LAD1: variants seen among roughly 807,000 people sequenced by gnomAD.
The protein encoded by LAD1 is ladinin-1.
Under a neutral mutation model 54.2 loss-of-function variants are expected in LAD1, and 53 were observed. That is an observed-to-expected ratio of 0.98 (90% CI 0.78 to 1.23). The LOEUF (loss-of-function observed/expected upper bound fraction) is 1.23, where lower values mean the gene tolerates loss of function less well. Ranked by LOEUF, LAD1 falls within the 50% of genes most tolerant of loss-of-function variation. The pLI is 0.00. For synonymous variants in LAD1, 231 were observed against 257.7 expected (o/e 0.90, Z 0.99); for missense variants, 637 against 653.3 (o/e 0.98, Z 0.27).
chr1:201,382,784 C>T, intron 7 of LAD1, 45 bp from the exon 8 acceptor site: 1 of 1,445,850 alleles, frequency 6.9e-7, no homozygotes, highest in Non-Finnish European at 9.5e-7. Flanking sequence ...CCCTTGGCAG[C>T]AGCGAGGCAT....
chr1:201,384,532 C>T (rs1300578386), intron 5 of LAD1, among the ~76,000 whole-genome samples: 4 of 152,096 alleles, frequency 2.6e-5, no homozygotes, highest in Non-Finnish European at 5.9e-5. Flanking sequence ...AAACCCTCAT[C>T]CCCCTTTGGG....
Position 201,386,857 on chromosome 1 carries a change from C to G in LAD1, c.504G>C (p.Glu168Asp). ...EESLVGREPE[E>D]RKKGVPEKSP... The stretch of plus-strand genomic sequence containing the variant: ...ACTTTTCTGGAACCCCTTTCTTCCT[C>G]TCTTCTGGCTCCCTGCCCACCAAGC... The change falls in exon 3 of 10, where the codon GAG becomes GAC. Residue 168 changes from glutamate to aspartate, a missense_variant. Glu to Asp is a conservative substitution (Grantham distance 45). Transcript: ENST00000391967. 2 of 1,611,946 alleles carry G rather than the reference C, an allele frequency of 1.2e-6. No individual in the cohort carries two copies. Among genetic ancestry groups the G allele is most frequent in the Non-Finnish European group, 1.7e-6 (2 of 1,179,656 alleles).
In LAD1 at chr1:201,385,720, G is replaced by A; in HGVS notation, c.1112C>T (p.Pro371Leu). 1 of 1,614,024 alleles carries A rather than the reference G, an allele frequency of 6.2e-7. No individual in the cohort carries two copies. The highest frequency in any genetic ancestry group is 8.5e-7 in the Non-Finnish European group (1 of 1,179,858). ...TCTCACCCGAAAGGAGATGGTCCTG[G>A]GGCTGGAGCGTTTGAGGGAGCTGCT... ...TYSSSLKRSS[P>L]RTISFRMKPK... Residue 371 changes from proline (P) to leucine (L), a missense_variant, in exon 4 of 10, where the codon CCC (proline) becomes CTC (leucine). By Grantham distance (98) the Pro-to-Leu change is moderately conservative. Coordinates refer to ENST00000391967, the MANE Select transcript of LAD1 (RefSeq NM_005558.4).
At chr1:201,385,549 C>CT (rs561052051) in intron 4 of LAD1, 152 bp downstream of exon 4, 6 of 703,800 alleles carry the variant, frequency 8.5e-6, no homozygotes, top group African/African-American at 1.8e-5. Context: ...TGAATACAAC[C>CT]TTGTTTGTTC....
At chr1:201,381,989 C>T in intron 9 of LAD1, 96 bp from the exon 10 acceptor site, 1 of 1,324,274 alleles carries the variant, frequency 7.6e-7, no homozygotes, top group African/African-American at 1.5e-5. Context: ...TTGCCCAAGC[C>T]CCACACCCAC....
At chr1:201,385,205 G>T (rs986556289) in intron 4 of LAD1, among the ~76,000 whole-genome samples, 5 of 152,226 alleles carry the variant, frequency 3.3e-5, no homozygotes, top group Non-Finnish European at 7.3e-5. Context: ...GATACCCAAT[G>T]ATTGAGTGAA....
chr1:201,384,531 T>TC (rs1216862387), intron 5 of LAD1, among the ~76,000 whole-genome samples: 1 of 151,672 alleles, frequency 6.6e-6, no homozygotes, highest in Non-Finnish European at 1.5e-5. Context: ...TAAACCCTCA[T>TC]CCCCCTTTGG....
rs1055840981 is a variant in LAD1, at chr1:201,381,410, CAG to C, written c.*476_*477del. 1.1e-5 allele frequency: 2 copies of C among 188,022 alleles called. No individual in the cohort carries two copies. The highest frequency in any genetic ancestry group is 2.2e-5 in the Non-Finnish European group (2 of 89,650). 11.6% of individuals were successfully genotyped at this position (188,022 alleles called of 1,614,324 possible). On this transcript the variant is annotated 3_prime_UTR_variant, in exon 10 of 10. Coordinates refer to ENST00000391967, the MANE Select transcript of LAD1 (RefSeq NM_005558.4). Reference sequence around the variant, plus strand: ...CTTCTCCCCTGGCCAGAGCGGGCCTCAGTGGCTGGGAGCAGGCCCCAGGGACA... The same window carrying C: ...CTTCTCCCCTGGCCAGAGCGGGCCTCTGGCTGGGAGCAGGCCCCAGGGACA...
At chr1:201,398,763 T>C (rs1188675705) in intron 1 of LAD1, among the ~76,000 whole-genome samples, 1 of 152,140 alleles carries the variant, frequency 6.6e-6, no homozygotes, top group Non-Finnish European at 1.5e-5. Flanking sequence ...ATTCTGAGCG[T>C]CCTTAGTGGG....
chr1:201,389,371 T>C (rs968488166), intron 1 of LAD1, 68 bp from the exon 2 acceptor site: 13 of 1,551,434 alleles, frequency 8.4e-6, no homozygotes, highest in South Asian at 1.2e-5. Flanking sequence ...CAGGCTCCTC[T>C]AGGGCTGGGA....
At chr1:201,399,162 C>T in intron 1 of LAD1, 107 bp downstream of exon 1, 2 of 953,356 alleles carry the variant, frequency 2.1e-6, no homozygotes, top group Non-Finnish European at 3.2e-6. Context: ...CAGGATCCAG[C>T]CTCAGTGTCA....
chr1:201,386,429 C>T lies in LAD1; in HGVS notation c.932G>A (p.Arg311Lys), dbSNP rs764683282. The T allele has an allele frequency of 1.2e-5, 18 of 1,532,536 alleles. No homozygotes were observed. In the East Asian group the frequency reaches 3.6e-4, roughly 31 times the overall value. 94.9% of individuals were successfully genotyped at this position (1,532,536 alleles called of 1,614,324 possible). A position where few individuals can be genotyped will look rare whatever the true frequency, so the allele number is the denominator to read the frequency against. ...GGGCAGGTTCTTCCCAGGGAGGGCC[C>T]TTCCTCTCTGCTCCTTGGTGGTGGC... ...SPATTKEQRGRALPGKNLPSL... is the reference protein window; with the variant it reads ...SPATTKEQRGKALPGKNLPSL... The change falls in exon 3 of 10, where the codon AGG (arginine) becomes AAG (lysine). Residue 311 changes from arginine (R) to lysine (K), a missense_variant. By Grantham distance (26) the Arg-to-Lys change is conservative. Transcript: ENST00000391967.
chr1:201,386,427 C>T lies in LAD1; in HGVS notation c.934G>A (p.Ala312Thr). 1 of 1,531,494 alleles carries T rather than the reference C, an allele frequency of 6.5e-7. No individual in the cohort carries two copies. Among genetic ancestry groups the T allele is most frequent in the Non-Finnish European group, 8.7e-7 (1 of 1,144,716 alleles). 94.9% of individuals were successfully genotyped at this position (1,531,494 alleles called of 1,614,324 possible). A position where few individuals can be genotyped will look rare whatever the true frequency, so the allele number is the denominator to read the frequency against. Residue 312 changes from alanine to threonine, a missense_variant, in exon 3 of 10, where the codon GCC becomes ACC. Physicochemically the swap from Ala to Thr is moderately conservative, Grantham distance 58. Coordinates refer to ENST00000391967, the MANE Select transcript of LAD1 (RefSeq NM_005558.4). Reference protein sequence around the residue: ...PATTKEQRGRALPGKNLPSLA... With the variant: ...PATTKEQRGRTLPGKNLPSLA... ...GAGGGCAGGTTCTTCCCAGGGAGGG[C>T]CCTTCCTCTCTGCTCCTTGGTGGTG...
chr1:201,385,205 G>A (rs986556289), intron 4 of LAD1, among the ~76,000 whole-genome samples: 3 of 152,226 alleles, frequency 2.0e-5, no homozygotes, highest in Admixed American at 6.5e-5. Flanking sequence ...GATACCCAAT[G>A]ATTGAGTGAA....
At chr1:201,385,844 G>A in intron 3 of LAD1, 39 bp from the exon 4 acceptor site, 10 of 1,476,426 alleles carry the variant, frequency 6.8e-6, no homozygotes, top group Non-Finnish European at 9.5e-6. Context: ...AGAGGTCTAG[G>A]GCCCATCAAG....
At chr1:201,383,032 G>A (rs1661993382) in intron 7 of LAD1, 42 bp downstream of exon 7, 1 of 1,583,498 alleles carries the variant, frequency 6.3e-7, no homozygotes, top group Admixed American at 1.8e-5. Flanking sequence ...GAGACGTCAG[G>A]GCTAATCACC....
chr1:201,394,828 C>T (rs1662261281), intron 1 of LAD1, among the ~76,000 whole-genome samples: 3 of 152,198 alleles, frequency 2.0e-5, no homozygotes, highest in Admixed American at 6.5e-5. Context: ...CCACAAAGCC[C>T]AGAGTGCCTC....
At chr1:201,394,980 T>C (rs1052746793) in intron 1 of LAD1, among the ~76,000 whole-genome samples, 3 of 152,166 alleles carry the variant, frequency 2.0e-5, no homozygotes, top group African/African-American at 7.2e-5. Flanking sequence ...GGATGGTGCA[T>C]GAGCACTCAG....
At chr1:201,389,119 A>C (rs1029704970) in intron 2 of LAD1, 41 bp downstream of exon 2, 1 of 1,592,496 alleles carries the variant, frequency 6.3e-7, no homozygotes, top group Non-Finnish European at 8.6e-7. Context: ...TGAGGCAACC[A>C]GTCCATCCCC....
Sources: allele counts gnomAD v4.1 joint callset (sites outside exome capture counted in the v4.1 genomes callset), GRCh38; gene constraint gnomAD v4.1.1; transcripts MANE v1.5; gene names NCBI Gene and HGNC (gene_info 2026-07-23, HGNC 2026-07-21).